APIP: variants seen among roughly 807,000 people sequenced by gnomAD.
APIP encodes APAF1 interacting protein.
In APIP, 32 loss-of-function variants were observed where a neutral mutation model predicts 32.0. That is an observed-to-expected ratio of 1.00 (90% CI 0.76 to 1.34). The LOEUF (loss-of-function observed/expected upper bound fraction) is 1.34, where lower values mean the gene tolerates loss of function less well. Ranked by LOEUF, APIP falls within the 40% of genes most tolerant of loss-of-function variation. The probability of loss-of-function intolerance (pLI) is 0.00; values close to 1 mark genes in which losing one functional copy is unlikely to be tolerated. For synonymous variants in APIP, 92 were observed against 94.8 expected, an observed-to-expected ratio of 0.97 and a Z score of 0.17; for missense variants, 247 against 298.6, an observed-to-expected ratio of 0.83 and a Z score of 1.27.
At position 34,883,345 on chromosome 11, in the gene APIP, G is replaced by C; in HGVS notation, c.621C>G (p.Ala207=). 3 of 1,608,444 alleles carry C rather than the reference G, an allele frequency of 1.9e-6. No homozygotes were observed. Among genetic ancestry groups the C allele is most frequent in the Non-Finnish European group, 2.5e-6 (3 of 1,177,894 alleles). The stretch of plus-strand genomic sequence containing the variant: ...CTCTGATTTACACTCACATGGTTTT[G>C]GCCTTCTCCCATGTTTCCCCCCACA... ...VYVWGETWEK[A]KTMCECYDYL... is the part of the protein sequence containing the mutation. Residue 207 remains alanine, a synonymous_variant, in exon 6 of 7, where the codon GCC becomes GCG. Transcript: ENST00000395787.
At chr11:34,910,851 G>C (rs542449041) in intron 1 of APIP, among the ~76,000 whole-genome samples, 1 of 152,142 alleles carries the variant, frequency 6.6e-6, no homozygotes, top group African/African-American at 2.4e-5. Context: ...CTAGATCCTG[G>C]TCCTTAACCT....
intron 1 of APIP, among the ~76,000 whole-genome samples, chr11:34,898,458 G>A (rs1047316025): frequency 6.6e-6 from 1 of 152,062 alleles, no homozygotes; most frequent in African/African-American, 2.4e-5. Flanking sequence ...ACACCCTGGC[G>A]TTATTCAAAG....
At chr11:34,901,306 G>A (rs1244353761) in intron 1 of APIP, among the ~76,000 whole-genome samples, 2 of 151,492 alleles carry the variant, frequency 1.3e-5, no homozygotes, top group East Asian at 1.9e-4. Context: ...AGCCTGTGGC[G>A]GAGACCACTG....
intron 1 of APIP, among the ~76,000 whole-genome samples, chr11:34,905,629 T>C (rs572403745): frequency 1.3e-5 from 2 of 152,274 alleles, no homozygotes; most frequent in South Asian, 2.1e-4. Context: ...TTGTAATTGA[T>C]GTTAGTTCAA....
intron 1 of APIP, among the ~76,000 whole-genome samples, chr11:34,903,950 C>T (rs1031162447): frequency 6.6e-6 from 1 of 152,184 alleles, no homozygotes; most frequent in African/African-American, 2.4e-5. Flanking sequence ...AGATTGTTTT[C>T]AGGAGAGAAC....
At position 34,883,475 on chromosome 11, in the gene APIP, A is replaced by G. The variant is rs1288964798; in HGVS notation, c.491T>C (p.Ile164Thr). 6.2e-7 allele frequency: 1 copy of G among 1,613,738 alleles called. No individual in the cohort carries two copies. The highest frequency in any genetic ancestry group is 8.5e-7 in the Non-Finnish European group (1 of 1,179,910). ...RYDDMLVVPIIENTPEEKDLK... is the reference protein window; with the variant it reads ...RYDDMLVVPITENTPEEKDLK... ...GTCTTTCTCCTCAGGTGTATTCTCA[A>G]TAATGGGTACCACTAACATATCATC... Residue 164 changes from isoleucine to threonine, a missense_variant, in exon 6 of 7, where the codon ATT (isoleucine) becomes ACT (threonine). Ile to Thr is a moderately conservative substitution (Grantham distance 89). Transcript: ENST00000395787.
chr11:34,899,198 T>C (rs1590709203), intron 1 of APIP, among the ~76,000 whole-genome samples: 1 of 152,208 alleles, frequency 6.6e-6, no homozygotes, highest in Non-Finnish European at 1.5e-5. Context: ...AAACCAACAG[T>C]GCCACCTAGT....
intron 1 of APIP, among the ~76,000 whole-genome samples, chr11:34,897,274 G>C (rs1853289777): frequency 6.6e-6 from 1 of 152,198 alleles, no homozygotes; most frequent in African/African-American, 2.4e-5. Context: ...CTTGGAGTTA[G>C]CTGACTTAAA....
intron 1 of APIP, among the ~76,000 whole-genome samples, chr11:34,913,757 T>C (rs1415189380): frequency 1.3e-5 from 2 of 152,208 alleles, no homozygotes; most frequent in South Asian, 4.1e-4. Context: ...ATCCTGCTGA[T>C]TGGTCCATTT....
chr11:34,909,492 T>C (rs1345677002), intron 1 of APIP, among the ~76,000 whole-genome samples: 1 of 152,110 alleles, frequency 6.6e-6, no homozygotes, highest in African/African-American at 2.4e-5. Context: ...GCATTTAATC[T>C]AGGACCTAAA....
intron 5 of APIP, among the ~76,000 whole-genome samples, chr11:34,886,264 T>G (rs1165419517): frequency 2.0e-5 from 3 of 151,880 alleles, no homozygotes; most frequent in African/African-American, 7.3e-5. Context: ...ACCCTGACCC[T>G]GTGTACTCCT....
At chr11:34,884,402 C>T (rs1853022684) in intron 5 of APIP, among the ~76,000 whole-genome samples, 1 of 152,210 alleles carries the variant, frequency 6.6e-6, no homozygotes, top group Non-Finnish European at 1.5e-5. Context: ...CATCACTTCA[C>T]TTAAGTAAAA....
chr11:34,896,271 A>C lies in APIP; in HGVS notation c.58-1161T>G, dbSNP rs371222856. On this transcript the variant is annotated intron_variant, in intron 1 of 6. Transcript: ENST00000395787. Reference sequence around the variant, plus strand: ...CTGGGATTCTACTATAAAGACACATACGTATGTTTACTGCAGCACTATTTA... The same window carrying C: ...CTGGGATTCTACTATAAAGACACATCCGTATGTTTACTGCAGCACTATTTA... Among the ~76,000 whole-genome samples the C allele has an allele frequency of 5.3e-5, 8 of 152,330 alleles. 1 individual carries two copies. In the East Asian group the frequency reaches 1.5e-3, roughly 29 times the overall value.
At chr11:34,916,185 C>T (rs1432347197) in intron 1 of APIP, 43 bp downstream of exon 1, 2 of 1,593,514 alleles carry the variant, frequency 1.3e-6, no homozygotes, top group South Asian at 1.1e-5. Context: ...CCGCCTGGGC[C>T]TCTCCTCCTG....
chr11:34,888,491 A>G, intron 4 of APIP, 63 bp from the exon 5 acceptor site: 3 of 1,572,024 alleles, frequency 1.9e-6, no homozygotes, highest in Non-Finnish European at 2.6e-6. Context: ...TTAAAGAAAA[A>G]AAGTCCATAT....
At position 34,916,215 on chromosome 11, in the gene APIP, G is replaced by A; in HGVS notation, c.57+13C>T. ...CTCCTGGGAATACCGGGCACCGGTG[G>A]CCCCGCCCCTACCTGCGCGCCGCAT... On this transcript the variant is annotated intron_variant, in intron 1 of 6. Transcript: ENST00000395787. 2 of 1,607,010 alleles carry A rather than the reference G, an allele frequency of 1.2e-6. No individual in the cohort carries two copies. The highest frequency in any genetic ancestry group is 8.5e-7 in the Non-Finnish European group (1 of 1,177,954).
chr11:34,907,477 T>C (rs1182661926), intron 1 of APIP, among the ~76,000 whole-genome samples: 1 of 152,180 alleles, frequency 6.6e-6, no homozygotes, highest in Non-Finnish European at 1.5e-5. Flanking sequence ...CAGCTGCTGT[T>C]AATACATTTT....
intron 2 of APIP, among the ~76,000 whole-genome samples, chr11:34,892,804 G>A (rs1390889062): frequency 6.6e-6 from 1 of 152,052 alleles, no homozygotes; most frequent in East Asian, 1.9e-4. Context: ...ATAATTTATT[G>A]CGTTTGCATT....
chr11:34,889,991 G>T lies in APIP; in HGVS notation c.207+513C>A, dbSNP rs1029950580. Among the ~76,000 whole-genome samples, 3 of 94,842 alleles carry T rather than the reference G, an allele frequency of 3.2e-5. No individual in the cohort carries two copies. The Admixed American group carries it at 3.2e-4, about 10-fold the overall frequency. The allele number at this position is 94,842 out of a possible 152,430, so 62.2% of individuals were successfully genotyped here. ...ATACAAATGTTTTATTAACAAAGCA[G>T]CTTTTCTTTTTTTTCTTGCATTAGA... On this transcript the variant is annotated intron_variant, in intron 3 of 6. Coordinates refer to ENST00000395787, the MANE Select transcript of APIP (RefSeq NM_015957.4).
Sources: allele counts gnomAD v4.1 joint callset (sites outside exome capture counted in the v4.1 genomes callset), GRCh38; gene constraint gnomAD v4.1.1; transcripts MANE v1.5; gene names NCBI Gene and HGNC (gene_info 2026-07-23, HGNC 2026-07-21).